CDH13: variants seen among roughly 807,000 people sequenced by gnomAD.
The protein encoded by CDH13 is cadherin-13.
A neutral mutation model predicts 63.8 loss-of-function variants in CDH13; 24 were observed. The ratio of observed to expected loss-of-function variants is 0.38; its 90% CI spans 0.27 to 0.53. The LOEUF (loss-of-function observed/expected upper bound fraction) is 0.53. Ranked by LOEUF, CDH13 falls within the 20% of genes least tolerant of loss-of-function variation. The pLI is 0.85. For missense variants in CDH13, 1,049 were observed against 903.1 expected (o/e 1.16, Z -2.07); for synonymous variants, 503 against 355.3 (o/e 1.42, Z -4.67).
intron 7 of CDH13, among the ~76,000 whole-genome samples, chr16:83,582,283 T>G (rs8055644): frequency 1.3e-5 from 2 of 149,512 alleles, no homozygotes; most frequent in Non-Finnish European, 3.0e-5. Context: ...GGCTTAATCC[T>G]TTTTTTTTTC....
chr16:83,652,456 C>G (rs549094787), intron 8 of CDH13, among the ~76,000 whole-genome samples: 12 of 152,152 alleles, frequency 7.9e-5, no homozygotes, highest in African/African-American at 2.9e-4. Flanking sequence ...TCTCCATGGG[C>G]TGCAGGGGTC....
intron 2 of CDH13, among the ~76,000 whole-genome samples, chr16:82,967,356 C>A (rs964047044): frequency 2.0e-5 from 3 of 152,238 alleles, no homozygotes; most frequent in African/African-American, 7.2e-5. Context: ...ATAACAAATT[C>A]TATAATGATT....
chr16:83,597,196 C>A (rs1012995973), intron 7 of CDH13, among the ~76,000 whole-genome samples: 1 of 149,868 alleles, frequency 6.7e-6, no homozygotes, highest in East Asian at 1.9e-4. Context: ...GCACTCCAGC[C>A]TGGGTGACAG....
chr16:83,321,897 C>T (rs977424160), intron 5 of CDH13, among the ~76,000 whole-genome samples: 1 of 152,128 alleles, frequency 6.6e-6, no homozygotes, highest in African/African-American at 2.4e-5. Context: ...CATGTGAGGA[C>T]AAATTCTGTG....
chr16:83,069,910 A>G (rs1014740383), intron 3 of CDH13, among the ~76,000 whole-genome samples: 3 of 152,234 alleles, frequency 2.0e-5, no homozygotes, highest in Admixed American at 6.5e-5. Context: ...AGAAATGCAG[A>G]CAGAAATCGG....
At chr16:83,038,431 A>G (rs974172417) in intron 3 of CDH13, among the ~76,000 whole-genome samples, 1 of 152,198 alleles carries the variant, frequency 6.6e-6, no homozygotes, top group Non-Finnish European at 1.5e-5. Flanking sequence ...GCAGAAGAGC[A>G]GTTTAATTCC....
chr16:82,760,460 G>GC (rs2034790417), intron 1 of CDH13, among the ~76,000 whole-genome samples: 1 of 151,994 alleles, frequency 6.6e-6, no homozygotes, highest in Admixed American at 6.6e-5. Flanking sequence ...GAAAAATTTT[G>GC]TACTTTTATT....
At chr16:82,995,533 C>A (rs1187438531) in intron 2 of CDH13, among the ~76,000 whole-genome samples, 1 of 152,106 alleles carries the variant, frequency 6.6e-6, no homozygotes, top group African/African-American at 2.4e-5. Context: ...GATGCATCCC[C>A]AATACCATCA....
rs550758387 is a variant in CDH13, at chr16:83,316,564, G to A, written c.637-28298G>A. Among the ~76,000 whole-genome samples, 30 of 152,250 alleles carry A rather than the reference G, an allele frequency of 2.0e-4. No homozygotes were observed. In the South Asian group the frequency reaches 5.8e-3, roughly 30 times the overall value. ...CAGTCACAGATGTGCTAGGGAATGT[G>A]GTCTAGGGAGCACAGTAGTGAGTGC... is the stretch of plus-strand genomic sequence containing the variant. On this transcript the variant is annotated intron_variant, in intron 5 of 13. Transcript: ENST00000567109.
chr16:83,432,200 C>A (rs1034464458), intron 6 of CDH13, among the ~76,000 whole-genome samples: 1 of 152,110 alleles, frequency 6.6e-6, no homozygotes, highest in Non-Finnish European at 1.5e-5. Flanking sequence ...AATCTTTTAT[C>A]CACAAGGTTG....
chr16:82,704,876 C>G (rs867459500), intron 1 of CDH13, among the ~76,000 whole-genome samples: 30 of 152,238 alleles, frequency 2.0e-4, no homozygotes, highest in African/African-American at 6.7e-4. Flanking sequence ...TTAGCGTGAG[C>G]CATAACACGC....
intron 1 of CDH13, among the ~76,000 whole-genome samples, chr16:82,669,111 TC>T (rs1424813979): frequency 6.6e-6 from 1 of 152,142 alleles, no homozygotes; most frequent in Non-Finnish European, 1.5e-5. Flanking sequence ...ATTTAGGACT[TC>T]CTGAGGCTCA....
At chr16:82,747,313 T>C (rs988663626) in intron 1 of CDH13, among the ~76,000 whole-genome samples, 11 of 152,224 alleles carry the variant, frequency 7.2e-5, no homozygotes, top group Admixed American at 2.0e-4. Flanking sequence ...CTCAGGAGTA[T>C]GCACGTTAAA....
chr16:82,793,139 G>C (rs902334859), intron 1 of CDH13, among the ~76,000 whole-genome samples: 4 of 152,208 alleles, frequency 2.6e-5, no homozygotes, highest in African/African-American at 9.6e-5. Flanking sequence ...TGAAATGGAG[G>C]CACCAGAAGC....
intron 5 of CDH13, among the ~76,000 whole-genome samples, chr16:83,254,317 G>T (rs1383083408): frequency 1.3e-5 from 2 of 152,114 alleles, no homozygotes; most frequent in Non-Finnish European, 2.9e-5. Context: ...TGAGATTCAG[G>T]GCTCATGGTG....
At chr16:82,855,564 A>G (rs1268320026) in intron 1 of CDH13, among the ~76,000 whole-genome samples, 1 of 152,076 alleles carries the variant, frequency 6.6e-6, no homozygotes, top group East Asian at 1.9e-4. Flanking sequence ...TTGCCAGCAG[A>G]TTTTTCTGAC....
chr16:83,362,015 G>T (rs1597832929), intron 6 of CDH13, among the ~76,000 whole-genome samples: 2 of 152,246 alleles, frequency 1.3e-5, no homozygotes, highest in Admixed American at 6.5e-5. Context: ...GCTTTGGGCA[G>T]TATCTCATCT....
At chr16:83,270,467 C>T (rs1421250817) in intron 5 of CDH13, among the ~76,000 whole-genome samples, 3 of 152,158 alleles carry the variant, frequency 2.0e-5, no homozygotes, top group Non-Finnish European at 4.4e-5. Flanking sequence ...AAGCCACCCC[C>T]ATTGTGAAAT....
At chr16:83,359,812 A>T (rs1460082431) in intron 6 of CDH13, among the ~76,000 whole-genome samples, 1 of 152,142 alleles carries the variant, frequency 6.6e-6, no homozygotes, top group Non-Finnish European at 1.5e-5. Flanking sequence ...CATACAATTT[A>T]CCAATTCATC....
Sources: allele counts gnomAD v4.1 joint callset (sites outside exome capture counted in the v4.1 genomes callset), GRCh38; gene constraint gnomAD v4.1.1; transcripts MANE v1.5; gene names NCBI Gene and HGNC (gene_info 2026-07-23, HGNC 2026-07-21).